UMAD1: variants seen among roughly 807,000 people sequenced by gnomAD.
UMAD1 encodes the protein UBAP1-MVB12-associated (UMA) domain containing 1.
A neutral mutation model predicts 6.1 loss-of-function variants in UMAD1; 8 were observed. That is an observed-to-expected ratio of 1.30 (90% CI 0.76 to 2.35). UMAD1 has a LOEUF of 2.35. Among genes scored for constraint, UMAD1 ranks in the 30% most tolerant of loss-of-function variants. The pLI, the probability that UMAD1 is intolerant of heterozygous loss-of-function variation, is 0.00. For missense variants in UMAD1, 130 were observed against 78.4 expected, an observed-to-expected ratio of 1.66 and a Z score of -2.49; for synonymous variants, 56 against 31.4, an observed-to-expected ratio of 1.78 and a Z score of -2.61.
intron 2 of UMAD1, among the ~76,000 whole-genome samples, chr7:7,730,577 A>G (rs1781227877): frequency 6.6e-6 from 1 of 152,204 alleles, no homozygotes; most frequent in African/African-American, 2.4e-5. Context: ...CCTCACGTAT[A>G]AGCCCTTCAA....
intron 3 of UMAD1, among the ~76,000 whole-genome samples, chr7:7,845,012 C>A (rs1783757600): frequency 1.3e-5 from 2 of 152,194 alleles, no homozygotes; most frequent in South Asian, 4.1e-4. Context: ...TAAATTATTA[C>A]ATAATAGACT....
intron 3 of UMAD1, among the ~76,000 whole-genome samples, chr7:7,837,105 A>G (rs1783586229): frequency 6.6e-6 from 1 of 152,070 alleles, no homozygotes; most frequent in Non-Finnish European, 1.5e-5. Context: ...AAAGGAATTA[A>G]CAGAACTAAA....
chr7:7,804,181 C>T (rs1387446614), intron 3 of UMAD1, among the ~76,000 whole-genome samples: 4 of 152,126 alleles, frequency 2.6e-5, no homozygotes, highest in Non-Finnish European at 2.9e-5. Context: ...TGTTTGCTAT[C>T]AGACAGCTCA....
intron 2 of UMAD1, among the ~76,000 whole-genome samples, chr7:7,769,906 C>T (rs1782068128): frequency 6.6e-6 from 1 of 152,178 alleles, no homozygotes; most frequent in South Asian, 2.1e-4. Context: ...TCCCGCTTCT[C>T]CTGCTCACCA....
intron 2 of UMAD1, among the ~76,000 whole-genome samples, chr7:7,719,030 T>G (rs117608560): frequency 1.3e-5 from 2 of 152,134 alleles, no homozygotes; most frequent in African/African-American, 4.8e-5. Context: ...AAAAAACATA[T>G]GAGTATTTTT....
rs549049187 is a variant in UMAD1 at position 7,751,268 on chromosome 7, T to C, written c.83-50402T>C. Among the ~76,000 whole-genome samples the C allele has an allele frequency of 3.7e-4, 56 of 152,308 alleles. 1 individual carries two copies. In the South Asian group the frequency reaches 0.011, roughly 30 times the overall value. ...TTTTATAAATGAGAGATAATTTTAA[T>C]GAATGTGTGGGGCAAATAAAACTTT... On this transcript the variant is annotated intron_variant, in intron 2 of 3. Coordinates refer to ENST00000682710, the MANE Select transcript of UMAD1 (RefSeq NM_001302348.2).
chr7:7,836,622 A>G (rs1247666601), intron 3 of UMAD1, among the ~76,000 whole-genome samples: 1 of 152,018 alleles, frequency 6.6e-6, no homozygotes, highest in Non-Finnish European at 1.5e-5. Context: ...TATTTAAATA[A>G]ATAAAAGGCA....
At chr7:7,786,223 C>T (rs560689216) in intron 2 of UMAD1, among the ~76,000 whole-genome samples, 1 of 152,178 alleles carries the variant, frequency 6.6e-6, no homozygotes, top group Non-Finnish European at 1.5e-5. Context: ...TCTTTAATTT[C>T]CCTCCATCTT....
chr7:7,826,359 T>A (rs888538932), intron 3 of UMAD1, among the ~76,000 whole-genome samples: 1 of 152,138 alleles, frequency 6.6e-6, no homozygotes, highest in Non-Finnish European at 1.5e-5. Flanking sequence ...CATCATTATT[T>A]CGATTCTCTA....
chr7:7,786,336 A>G (rs1390652897), intron 2 of UMAD1, among the ~76,000 whole-genome samples: 3 of 152,164 alleles, frequency 2.0e-5, no homozygotes, highest in South Asian at 4.1e-4. Context: ...TTTGTCTGAC[A>G]TGTTTTGCAA....
intron 2 of UMAD1, among the ~76,000 whole-genome samples, chr7:7,697,810 G>C (rs1422367344): frequency 6.6e-6 from 1 of 151,986 alleles, no homozygotes; most frequent in East Asian, 1.9e-4. Flanking sequence ...ATGTACTCTT[G>C]GGTATCCATC....
intron 2 of UMAD1, among the ~76,000 whole-genome samples, chr7:7,735,471 G>A (rs1419073398): frequency 6.6e-6 from 1 of 150,754 alleles, no homozygotes; most frequent in Non-Finnish European, 1.5e-5. Flanking sequence ...GTGCAATGAC[G>A]TGATCTCCGC....
At chr7:7,859,425 C>T (rs1248981323) in intron 3 of UMAD1, among the ~76,000 whole-genome samples, 1 of 152,124 alleles carries the variant, frequency 6.6e-6, no homozygotes, top group Non-Finnish European at 1.5e-5. Context: ...GAATATCTTT[C>T]TGAATTACGA....
intron 2 of UMAD1, chr7:7,742,589 TAGA>T: frequency 1.4e-5 from 7 of 503,384 alleles, no homozygotes; most frequent in South Asian, 7.5e-5. Context: ...GGACAATTTC[TAGA>T]AGGATTAAAG....
At chr7:7,676,234 T>C (rs563293542) in intron 2 of UMAD1, 5 of 398,596 alleles carry the variant, frequency 1.3e-5, no homozygotes, top group Non-Finnish European at 2.2e-5. Context: ...CAGTACCACT[T>C]AGCATATCTA....
intron 2 of UMAD1, among the ~76,000 whole-genome samples, chr7:7,726,516 G>T (rs985703220): frequency 3.3e-5 from 5 of 152,224 alleles, no homozygotes; most frequent in Non-Finnish European, 7.3e-5. Context: ...GGCCGTGTAT[G>T]CTCTGAATCA....
At chr7:7,669,416 C>T (rs1448970154) in intron 1 of UMAD1, among the ~76,000 whole-genome samples, 2 of 152,084 alleles carry the variant, frequency 1.3e-5, no homozygotes, top group African/African-American at 4.8e-5. Context: ...TTTGCCAGTC[C>T]TTTTCTCCAC....
At chr7:7,767,462 T>A (rs544257513) in intron 2 of UMAD1, among the ~76,000 whole-genome samples, 4 of 152,326 alleles carry the variant, frequency 2.6e-5, no homozygotes, top group African/African-American at 9.6e-5. Context: ...GATTAAACAA[T>A]GTGCGTTGCT....
chr7:7,820,094 A>G (rs994346815), intron 3 of UMAD1, among the ~76,000 whole-genome samples: 21 of 152,168 alleles, frequency 1.4e-4, no homozygotes, highest in Non-Finnish European at 2.1e-4. Flanking sequence ...TCACAGGGCT[A>G]AACATTAATT....
Sources: allele counts gnomAD v4.1 joint callset (sites outside exome capture counted in the v4.1 genomes callset), GRCh38; gene constraint gnomAD v4.1.1; transcripts MANE v1.5; gene names NCBI Gene and HGNC (gene_info 2026-07-23, HGNC 2026-07-21).